NUP133: variants seen among roughly 807,000 people sequenced by gnomAD.
The protein encoded by NUP133 is nucleoporin 133, also known as nuclear pore complex protein Nup133.
Under a neutral mutation model 146.2 loss-of-function variants are expected in NUP133, and 66 were observed. The observed-to-expected ratio is 0.45, with a 90% CI of 0.37 to 0.55. NUP133 has a LOEUF of 0.55. NUP133 is among the 20% of genes least tolerant of loss of function. The pLI, the probability that NUP133 is intolerant of heterozygous loss-of-function variation, is 0.00. For synonymous variants in NUP133, 521 were observed against 498.8 expected (o/e 1.04, Z -0.59); for missense variants, 1,277 against 1,374.8 (o/e 0.93, Z 1.12).
chr1:229,469,813 G>C (rs763471583), intron 15 of NUP133, among the ~76,000 whole-genome samples: 23 of 152,274 alleles, frequency 1.5e-4, no homozygotes, highest in Admixed American at 5.2e-4. Flanking sequence ...TGCTGTGGCA[G>C]AGTCAAGAGT....
chr1:229,478,156 A>C (rs1034610385), intron 12 of NUP133, among the ~76,000 whole-genome samples: 1 of 152,188 alleles, frequency 6.6e-6, no homozygotes, highest in African/African-American at 2.4e-5. Flanking sequence ...AATAAAAAAA[A>C]AATTTTAAGT....
At chr1:229,452,334 G>A (rs927140302) in intron 22 of NUP133, among the ~76,000 whole-genome samples, 191 bp downstream of exon 22, 4 of 152,226 alleles carry the variant, frequency 2.6e-5, no homozygotes, top group African/African-American at 4.8e-5. Context: ...TGGGGAGGCA[G>A]ATGCTGATTA....
chr1:229,460,517 G>A, intron 20 of NUP133, 94 bp downstream of exon 20: 1 of 1,257,662 alleles, frequency 8.0e-7, no homozygotes, highest in Non-Finnish European at 1.1e-6. Flanking sequence ...TCAGGTATAT[G>A]ACAGTAAACA....
At chr1:229,506,450 T>TTG (rs386369914) in intron 1 of NUP133, among the ~76,000 whole-genome samples, 1 of 74,200 alleles carries the variant, frequency 1.3e-5, no homozygotes, top group Admixed American at 1.6e-4. Context: ...TAGACCAGTG[T>TTG]TTTTTTTTTT....
intron 12 of NUP133, among the ~76,000 whole-genome samples, chr1:229,483,663 C>A (rs368415068): frequency 6.8e-6 from 1 of 147,276 alleles, no homozygotes; most frequent in South Asian, 2.2e-4. Context: ...CAAGATCGCG[C>A]CACTGCACTC....
At chr1:229,470,418 T>A (rs914654910) in intron 15 of NUP133, among the ~76,000 whole-genome samples, 162 bp downstream of exon 15, 1 of 152,176 alleles carries the variant, frequency 6.6e-6, no homozygotes, top group Non-Finnish European at 1.5e-5. Flanking sequence ...AACTGATCAA[T>A]GAGACTTCTG....
At chr1:229,503,154 T>C (rs991703294) in intron 2 of NUP133, among the ~76,000 whole-genome samples, 1 of 151,908 alleles carries the variant, frequency 6.6e-6, no homozygotes, top group African/African-American at 2.4e-5. Context: ...GGCGTGCACC[T>C]GTAATCCTAG....
chr1:229,502,020 A>C lies in NUP133; in HGVS notation c.384T>G (p.Ile128Met). The C allele has an allele frequency of 1.2e-6, 2 of 1,613,234 alleles. No individual in the cohort carries two copies. Among genetic ancestry groups the C allele is most frequent in the Non-Finnish European group, 1.7e-6 (2 of 1,179,204 alleles). ...VCKEKLIIWK[I>M]ALSPITKLSV... ...TTACCTTAGTAATAGGTGACAGAGC[A>C]ATCTTCCAAATAATGAGCTTCTCTT... is the stretch of plus-strand genomic sequence containing the variant. The change falls in exon 3 of 26, where the codon ATT becomes ATG. Residue 128 changes from isoleucine (I) to methionine (M), a missense_variant. Physicochemically the swap from Ile to Met is conservative, Grantham distance 10 (BLOSUM62 1). Coordinates refer to ENST00000261396, the MANE Select transcript of NUP133 (RefSeq NM_018230.3).
At chr1:229,469,756 C>T (rs1011841959) in intron 15 of NUP133, among the ~76,000 whole-genome samples, 1 of 152,236 alleles carries the variant, frequency 6.6e-6, no homozygotes, top group South Asian at 2.1e-4. Context: ...ATTCATCTGA[C>T]CTGGCAGAAG....
chr1:229,441,197 A>G lies in NUP133; in HGVS notation c.*707T>C, dbSNP rs767427070. 2 of 334,566 alleles carry G rather than the reference A, an allele frequency of 6.0e-6. No homozygotes were observed. The highest frequency in any genetic ancestry group is 4.9e-5 in the South Asian group (2 of 40,450). The allele number at this position is 334,566 out of a possible 1,614,324, so 20.7% of individuals were successfully genotyped here. ...GATTCATGAGTCATTCTGAAAATAC[A>G]TGAGGCTGGCTGAATCCCCACACTG... On this transcript the variant is annotated 3_prime_UTR_variant, in exon 26 of 26. Transcript: ENST00000261396.
At chr1:229,498,649 G>T (rs10916492) in intron 5 of NUP133, among the ~76,000 whole-genome samples, 28,303 of 151,756 alleles carry the variant, frequency 0.19, 2,819 homozygotes, top group Middle Eastern at 0.24. Flanking sequence ...CCAGCCACTT[G>T]GGAGGCAGAG....
chr1:229,487,792 CAATT>C (rs1164800946), intron 9 of NUP133, among the ~76,000 whole-genome samples, 179 bp from the exon 10 acceptor site: 1 of 149,886 alleles, frequency 6.7e-6, no homozygotes, highest in Non-Finnish European at 1.5e-5. Context: ...TTATAAACAT[CAATT>C]AGACATATAT....
At chr1:229,486,312 A>G in intron 11 of NUP133, 59 bp downstream of exon 11, 1 of 1,459,412 alleles carries the variant, frequency 6.9e-7, no homozygotes, top group African/African-American at 1.6e-5. Context: ...ACAGCGTGAG[A>G]CACTATCTCT....
At chr1:229,505,164 C>T (rs10449251) in intron 2 of NUP133, among the ~76,000 whole-genome samples, 28,570 of 152,166 alleles carry the variant, frequency 0.19, 2,899 homozygotes, top group Middle Eastern at 0.27. Flanking sequence ...GACTATCCAG[C>T]TGTTTGTCAC....
Position 229,463,687 on chromosome 1 carries a change from G to T in NUP133, c.2552-11C>A. 6.3e-7 allele frequency: 1 copy of T among 1,578,940 alleles called. No homozygotes were observed. The highest frequency in any genetic ancestry group is 1.2e-5 in the South Asian group (1 of 84,904). On this transcript the variant is annotated splice_polypyrimidine_tract_variant and intron_variant, in intron 18 of 25. Coordinates refer to ENST00000261396, the MANE Select transcript of NUP133 (RefSeq NM_018230.3). ...ACTGGCCTAGTGAAACTGTGGGAAT[G>T]AGAAAAGATGGGAAAAAATCCTGTT...
chr1:229,455,874 T>G (rs1660548315), intron 21 of NUP133, among the ~76,000 whole-genome samples: 1 of 152,212 alleles, frequency 6.6e-6, no homozygotes, highest in Non-Finnish European at 1.5e-5. Context: ...ATGTTCAAAC[T>G]TTCTCCCACT....
At position 229,493,511 on chromosome 1, in the gene NUP133, TCTG is replaced by T. The variant is rs1272381802; in HGVS notation, c.1046+1981_1046+1983del. Among the ~76,000 whole-genome samples the T allele has an allele frequency of 2.0e-5, 3 of 152,310 alleles. No homozygotes were observed. In the East Asian group the frequency reaches 5.8e-4, roughly 29 times the overall value. On this transcript the variant is annotated intron_variant, in intron 8 of 25. Coordinates refer to ENST00000261396, the MANE Select transcript of NUP133 (RefSeq NM_018230.3). ...TGAAATTATAAGCCCAGATTGTAGC[TCTG>T]CCCAAATGGACAACAAATCAGTAGG...
chr1:229,501,102 T>C (rs1661788562), intron 3 of NUP133, among the ~76,000 whole-genome samples: 1 of 152,212 alleles, frequency 6.6e-6, no homozygotes, highest in Non-Finnish European at 1.5e-5. Flanking sequence ...AGAACAACTA[T>C]CCTAACCTCT....
In NUP133 at chr1:229,496,564, GA is replaced by G. The variant is rs1440226458; in HGVS notation, c.820-518del. Among the ~76,000 whole-genome samples, 23 of 152,330 alleles carry G rather than the reference GA, an allele frequency of 1.5e-4. 1 individual carries two copies. The highest frequency in any genetic ancestry group is 5.5e-4 in the African/African-American group (23 of 41,568). On this transcript the variant is annotated intron_variant, in intron 6 of 25. Coordinates refer to ENST00000261396, the MANE Select transcript of NUP133 (RefSeq NM_018230.3). ...ATCTATAGGAAGAAGGATACAGGTG[GA>G]AAGCCCAAGAGGAGAAGAGCTGAAA...
Sources: allele counts gnomAD v4.1 joint callset (sites outside exome capture counted in the v4.1 genomes callset), GRCh38; gene constraint gnomAD v4.1.1; transcripts MANE v1.5; gene names NCBI Gene and HGNC (gene_info 2026-07-23, HGNC 2026-07-21).